Variants in NRCAM observed in about 807,000 individuals in gnomAD.
NRCAM encodes NgCAM-related cell adhesion molecule.
NRCAM carries 83 observed loss-of-function variants against 156.5 expected under a neutral mutation model. The observed-to-expected ratio is 0.53, with a 90% confidence interval of 0.44 to 0.64. The LOEUF is 0.64. NRCAM is among the 30% of genes least tolerant of loss of function. NRCAM has a pLI of 0.00. For synonymous variants in NRCAM, 538 were observed against 563.9 expected (o/e 0.95, Z 0.65); for missense variants, 1,417 against 1,597.3 (o/e 0.89, Z 1.92).
chr7:108,220,374 G>A (rs2091779611), intron 11 of NRCAM, among the ~76,000 whole-genome samples: 1 of 152,020 alleles, frequency 6.6e-6, no homozygotes, highest in Admixed American at 6.6e-5. Context: ...AACCAAAGAA[G>A]ACCCCACACA....
chr7:108,232,016 A>G (rs2094397108), intron 7 of NRCAM, among the ~76,000 whole-genome samples: 2 of 152,182 alleles, frequency 1.3e-5, no homozygotes, highest in South Asian at 4.1e-4. Flanking sequence ...TGGCTGTAGG[A>G]ATTTCACTTT....
At chr7:108,438,584 G>A (rs1026912906) in intron 1 of NRCAM, among the ~76,000 whole-genome samples, 1 of 152,038 alleles carries the variant, frequency 6.6e-6, no homozygotes, top group Non-Finnish European at 1.5e-5. Flanking sequence ...CCCTAAGATT[G>A]GGAACAACGT....
intron 3 of NRCAM, among the ~76,000 whole-genome samples, chr7:108,308,472 G>A (rs899717677): frequency 1.3e-5 from 2 of 152,184 alleles, no homozygotes; most frequent in African/African-American, 4.8e-5. Flanking sequence ...TCATGTACTG[G>A]AGTGACTCAG....
intron 20 of NRCAM, among the ~76,000 whole-genome samples, chr7:108,188,172 A>T (rs373688475): frequency 3.3e-5 from 5 of 152,234 alleles, no homozygotes; most frequent in South Asian, 4.1e-4. Context: ...GTCAACCAGG[A>T]GCCCAGAGTA....
At chr7:108,363,277 A>G (rs1309006639) in intron 2 of NRCAM, among the ~76,000 whole-genome samples, 2 of 151,970 alleles carry the variant, frequency 1.3e-5, no homozygotes, top group Non-Finnish European at 2.9e-5. Context: ...ATAACCCACT[A>G]TTTCCTTTTT....
At chr7:108,334,418 C>G (rs1184113741) in intron 2 of NRCAM, among the ~76,000 whole-genome samples, 1 of 152,180 alleles carries the variant, frequency 6.6e-6, no homozygotes, top group Non-Finnish European at 1.5e-5. Context: ...CAATCCATCC[C>G]CTACCTACGA....
At chr7:108,269,010 TCA>T (rs2097227704) in intron 3 of NRCAM, among the ~76,000 whole-genome samples, 1 of 152,146 alleles carries the variant, frequency 6.6e-6, no homozygotes, top group African/African-American at 2.4e-5. Context: ...TGCAGGTTGT[TCA>T]CAGTCATACA....
At chr7:108,279,040 G>C (rs1371174034) in intron 3 of NRCAM, among the ~76,000 whole-genome samples, 1 of 152,110 alleles carries the variant, frequency 6.6e-6, no homozygotes, top group Non-Finnish European at 1.5e-5. Context: ...CCAAGCCACT[G>C]AAAGAAGGTT....
chr7:108,437,272 A>C (rs947407319), intron 1 of NRCAM, among the ~76,000 whole-genome samples: 13 of 152,148 alleles, frequency 8.5e-5, no homozygotes, highest in African/African-American at 3.1e-4. Context: ...AGAGGCTAGG[A>C]AGAGTGGGAA....
chr7:108,212,684 A>G (rs1017094639), intron 11 of NRCAM, among the ~76,000 whole-genome samples: 1 of 152,188 alleles, frequency 6.6e-6, no homozygotes, highest in African/African-American at 2.4e-5. Context: ...AATGAACCCA[A>G]TCCAACAAAT....
intron 30 of NRCAM, 24 bp downstream of exon 30, chr7:108,166,897 G>T (rs753006480): frequency 3.1e-5 from 50 of 1,611,844 alleles, no homozygotes; most frequent in Non-Finnish European, 4.1e-5. Flanking sequence ...GCGGGAGCCA[G>T]AACAGGTGTG....
At chr7:108,306,928 T>C (rs1307397906) in intron 3 of NRCAM, among the ~76,000 whole-genome samples, 1 of 152,196 alleles carries the variant, frequency 6.6e-6, no homozygotes, top group Non-Finnish European at 1.5e-5. Context: ...ACAAAACTTT[T>C]GAAAAGAATA....
intron 3 of NRCAM, among the ~76,000 whole-genome samples, chr7:108,289,596 G>A (rs2098222344): frequency 6.6e-6 from 1 of 152,120 alleles, no homozygotes; most frequent in Admixed American, 6.6e-5. Context: ...AGTGTCATCA[G>A]TGTTGGGCAC....
chr7:108,330,644 C>T (rs1361231051), intron 2 of NRCAM, among the ~76,000 whole-genome samples: 1 of 152,004 alleles, frequency 6.6e-6, no homozygotes, highest in South Asian at 2.1e-4. Flanking sequence ...GAATGGGTAC[C>T]GTCCCACCAA....
chr7:108,186,802 T>C, intron 20 of NRCAM, among the ~76,000 whole-genome samples: 1 of 152,216 alleles, frequency 6.6e-6, no homozygotes, highest in East Asian at 1.9e-4. Context: ...ATATAAGTTC[T>C]CAAACCTTGT....
chr7:108,207,472 G>T, intron 13 of NRCAM, 56 bp downstream of exon 13: 1 of 1,546,934 alleles, frequency 6.5e-7, no homozygotes, highest in African/African-American at 1.4e-5. Context: ...TTCACTGTCG[G>T]GATGTATATA....
intron 3 of NRCAM, among the ~76,000 whole-genome samples, chr7:108,287,962 C>T (rs908172645): frequency 2.6e-5 from 4 of 152,098 alleles, no homozygotes; most frequent in Non-Finnish European, 5.9e-5. Context: ...GTTATGGAAT[C>T]AACCTAAGTG....
chr7:108,198,587 T>C (rs1434655397), intron 13 of NRCAM, among the ~76,000 whole-genome samples: 1 of 152,094 alleles, frequency 6.6e-6, no homozygotes, highest in African/African-American at 2.4e-5. Flanking sequence ...TTGTGGTTAT[T>C]TAGGAGAAAA....
At chr7:108,319,372 G>A (rs747106035) in intron 2 of NRCAM, among the ~76,000 whole-genome samples, 44 of 152,294 alleles carry the variant, frequency 2.9e-4, no homozygotes, top group Non-Finnish European at 8.8e-5. Context: ...TGAGGATGCA[G>A]TAATAAACAG....
Sources: allele counts gnomAD v4.1 joint callset (sites outside exome capture counted in the v4.1 genomes callset), GRCh38; gene constraint gnomAD v4.1.1; transcripts MANE v1.5; gene names NCBI Gene and HGNC (gene_info 2026-07-23, HGNC 2026-07-21).